Variants in ABCA13 observed in about 807,000 individuals in gnomAD.
ABCA13 encodes ATP binding cassette subfamily A member 13.
Under a neutral mutation model 478.7 loss-of-function variants are expected in ABCA13, and 476 were observed. The ratio of observed to expected loss-of-function variants is 0.99; its 90% CI spans 0.92 to 1.07. The LOEUF (loss-of-function observed/expected upper bound fraction) is 1.07, where lower values mean the gene tolerates loss of function less well. ABCA13 is among the 50% of genes least tolerant of loss of function. The pLI, the probability that ABCA13 is intolerant of heterozygous loss-of-function variation, is 0.00. For missense variants in ABCA13, 6,060 were observed against 5,910.6 expected (o/e 1.03, Z -0.83); for synonymous variants, 2,252 against 2,158.9 (o/e 1.04, Z -1.20).
intron 11 of ABCA13, 115 bp downstream of exon 11, chr7:48,244,818 G>C (rs1018437988): frequency 1.6e-6 from 2 of 1,260,796 alleles, no homozygotes; most frequent in Non-Finnish European, 2.2e-6. Context: ...TAACTTTGCT[G>C]GTGTCATATG....
rs191092256 is a variant in ABCA13, at chr7:48,334,358, G to A, written c.10000-1064G>A. ...CCCTATTTTTTTTTTTTTTTGAGAT[G>A]GAGTCTTGCTCTGTTGCCCAGGTTG... On this transcript the variant is annotated intron_variant, in intron 27 of 61. Transcript: ENST00000435803. Among the ~76,000 whole-genome samples the A allele has an allele frequency of 9.5e-3, 1,349 of 142,256 alleles. 76 individuals carry two copies. Among genetic ancestry groups the A allele is most frequent in the Admixed American group, 0.085 (1,227 of 14,434 alleles). 93.3% of individuals were successfully genotyped at this position (142,256 alleles called of 152,430 possible).
intron 2 of ABCA13, among the ~76,000 whole-genome samples, chr7:48,195,561 C>G (rs1006310486): frequency 2.6e-4 from 39 of 152,212 alleles, no homozygotes; most frequent in African/African-American, 8.9e-4. Flanking sequence ...ACTGACAGGG[C>G]ACAGGACATG....
At chr7:48,262,076 G>A (rs1433026865) in intron 15 of ABCA13, among the ~76,000 whole-genome samples, 1 of 151,930 alleles carries the variant, frequency 6.6e-6, no homozygotes. Context: ...GAAAGGAATA[G>A]ACCTGACTGC....
At chr7:48,195,281 G>T (rs1398023520) in intron 2 of ABCA13, among the ~76,000 whole-genome samples, 1 of 152,208 alleles carries the variant, frequency 6.6e-6, no homozygotes, top group East Asian at 1.9e-4. Flanking sequence ...TTCAGGCAAG[G>T]TCATAATAAA....
At chr7:48,421,767 A>G (rs1385559870) in intron 41 of ABCA13, among the ~76,000 whole-genome samples, 2 of 152,228 alleles carry the variant, frequency 1.3e-5, no homozygotes, top group South Asian at 2.1e-4. Context: ...CTTTCTGCCT[A>G]TAAATACAAA....
In ABCA13 at chr7:48,471,654, A is replaced by G. The variant is rs1413461881; in HGVS notation, c.12975+55A>G. ...TAAGTCTAAAATTCAAGTGACAAAA[A>G]TGAGTTTACCCTATCTATAAAATTT... is the stretch of plus-strand genomic sequence containing the variant. On this transcript the variant is annotated intron_variant, in intron 45 of 61. Coordinates refer to ENST00000435803, the MANE Select transcript of ABCA13 (RefSeq NM_152701.5). The G allele has an allele frequency of 1.2e-5, 18 of 1,461,770 alleles. No homozygotes were observed. The East Asian group carries it at 4.2e-4, about 34-fold the overall frequency. 90.5% of individuals were successfully genotyped at this position (1,461,770 alleles called of 1,614,324 possible). A position where few individuals can be genotyped will look rare whatever the true frequency, so the allele number is the denominator to read the frequency against.
At chr7:48,216,338 G>A (rs931863182) in intron 3 of ABCA13, among the ~76,000 whole-genome samples, 13 of 151,936 alleles carry the variant, frequency 8.6e-5, no homozygotes, top group African/African-American at 2.7e-4. Context: ...TTTCCCTAGC[G>A]GTTTATGATG....
At chr7:48,291,059 G>T (rs1264912827) in intron 20 of ABCA13, among the ~76,000 whole-genome samples, 2 of 151,998 alleles carry the variant, frequency 1.3e-5, no homozygotes, top group Non-Finnish European at 2.9e-5. Context: ...CTTGAGGCTG[G>T]ACCTAGACAT....
chr7:48,262,059 A>G (rs1013132361), intron 15 of ABCA13, among the ~76,000 whole-genome samples: 2 of 151,962 alleles, frequency 1.3e-5, no homozygotes, highest in Non-Finnish European at 2.9e-5. Flanking sequence ...CTAACAACAC[A>G]CAGATGGAAA....
At chr7:48,487,101 A>G (rs1829377872) in intron 47 of ABCA13, among the ~76,000 whole-genome samples, 2 of 152,120 alleles carry the variant, frequency 1.3e-5, no homozygotes, top group African/African-American at 4.8e-5. Context: ...ACCTGAGGTC[A>G]GGAGTTCGAG....
intron 55 of ABCA13, among the ~76,000 whole-genome samples, chr7:48,540,061 T>C (rs1833854334): frequency 6.6e-6 from 1 of 152,170 alleles, no homozygotes; most frequent in African/African-American, 2.4e-5. Flanking sequence ...AGAGTTGTGA[T>C]ACTACTTACT....
chr7:48,330,432 C>T lies in ABCA13; in HGVS notation c.10000-4990C>T, dbSNP rs528789794. Among the ~76,000 whole-genome samples the T allele has an allele frequency of 2.3e-3, 347 of 149,182 alleles. 2 individuals carry two copies. Among genetic ancestry groups the T allele is most frequent in the South Asian group, 9.4e-3 (43 of 4,584 alleles). On this transcript the variant is annotated intron_variant, in intron 27 of 61. Transcript: ENST00000435803. The stretch of plus-strand genomic sequence containing the variant: ...CCATCCATTCATTTATCTATTCAAC[C>T]ATCCACACACCCATCTATTCATCTA...
intron 1 of ABCA13, among the ~76,000 whole-genome samples, chr7:48,175,549 T>G (rs1297783340): frequency 6.6e-6 from 1 of 152,178 alleles, no homozygotes; most frequent in African/African-American, 2.4e-5. Flanking sequence ...GCATCCTGAA[T>G]AGCTGGGATT....
intron 3 of ABCA13, 123 bp downstream of exon 3, chr7:48,198,483 T>C: frequency 8.8e-7 from 1 of 1,136,506 alleles, no homozygotes; most frequent in Non-Finnish European, 1.2e-6. Flanking sequence ...GTATAGAAAT[T>C]AAAGTTTTAT....
intron 55 of ABCA13, among the ~76,000 whole-genome samples, chr7:48,548,548 A>AT (rs35317081): frequency 0.11 from 15,429 of 144,692 alleles, 1,012 homozygotes; most frequent in African/African-American, 0.14. Flanking sequence ...CATGTAACAC[A>AT]TTTTTTTTTT....
At position 48,295,783 on chromosome 7, in the gene ABCA13, C is replaced by T. The variant is rs370276485; in HGVS notation, c.9039C>T (p.Phe3013=). 5.0e-6 allele frequency: 8 copies of T among 1,613,914 alleles called. No homozygotes were observed. Among genetic ancestry groups the T allele is most frequent in the Non-Finnish European group, 5.9e-6 (7 of 1,179,914 alleles). The change falls in exon 21 of 62, where the codon TTC becomes TTT. Residue 3013 remains phenylalanine, a synonymous_variant. Transcript: ENST00000435803. The part of the protein sequence containing the change: ...SKNLSSTLES[F]KSSLENATGQ... ...ATCTTTCTAGCACCTTGGAGAGCTTCAAGAGCAGCTTGGAAAATGCCACTG... is the reference window on the plus strand; with the variant it reads ...ATCTTTCTAGCACCTTGGAGAGCTTTAAGAGCAGCTTGGAAAATGCCACTG...
At chr7:48,433,277 G>A (rs7357308) in intron 42 of ABCA13, among the ~76,000 whole-genome samples, 17,516 of 151,528 alleles carry the variant, frequency 0.12, 1,205 homozygotes, top group Admixed American at 0.16. Flanking sequence ...GAGATCTTTG[G>A]TAGATTTGCA....
chr7:48,246,481 A>G (rs961053055), intron 13 of ABCA13, among the ~76,000 whole-genome samples: 11 of 152,166 alleles, frequency 7.2e-5, no homozygotes, highest in Non-Finnish European at 1.6e-4. Context: ...GGGACTGCAG[A>G]ATGTTGAACG....
intron 55 of ABCA13, among the ~76,000 whole-genome samples, chr7:48,559,079 G>A (rs2131250778): frequency 6.6e-6 from 1 of 152,300 alleles, no homozygotes; most frequent in Non-Finnish European, 1.5e-5. Flanking sequence ...CAATCAGCAG[G>A]TGGAGAAACC....
Sources: gnomAD v4.1 joint callset for allele counts (sites outside exome capture counted in the v4.1 genomes callset) on GRCh38, gnomAD v4.1.1 for gene constraint, MANE v1.5 for transcripts, NCBI Gene and HGNC (gene_info 2026-07-23, HGNC 2026-07-21) for gene names.